The following AMBRA1 variants were observed in gnomAD, a reference collection of about 807,000 sequenced individuals.
AMBRA1 encodes the protein autophagy and beclin 1 regulator 1.
In AMBRA1, 47 loss-of-function variants were observed where a neutral mutation model predicts 125.4. That is an observed-to-expected ratio of 0.37 (90% CI 0.30 to 0.48). The LOEUF (loss-of-function observed/expected upper bound fraction) is 0.48, where lower values mean the gene tolerates loss of function less well. Among genes scored for constraint, AMBRA1 ranks in the 20% least tolerant of loss-of-function variants. The pLI, the probability that AMBRA1 is intolerant of heterozygous loss-of-function variation, is 0.99. For missense variants in AMBRA1, 1,331 were observed against 1,693.4 expected, an observed-to-expected ratio of 0.79 and a Z score of 3.76; for synonymous variants, 626 against 655.5, an observed-to-expected ratio of 0.95 and a Z score of 0.69.
chr11:46,434,905 G>C lies in AMBRA1; in HGVS notation c.2765C>G (p.Ala922Gly), dbSNP rs780077451. ...GTTATGGGGGGCCAGGGAGTACACT[G>C]CCAGGATGCCTTCATCAGGAAAGCC... Reference protein sequence around the residue: ...QRGFPDEGILAVYSLAPHNLG... With the variant: ...QRGFPDEGILGVYSLAPHNLG... Residue 922 changes from alanine to glycine, a missense_variant, in exon 13 of 18, where the codon GCA (alanine) becomes GGA (glycine). Ala to Gly is a moderately conservative substitution (Grantham distance 60). Transcript: ENST00000683756. 2 of 1,614,116 alleles carry C rather than the reference G, an allele frequency of 1.2e-6. No individual in the cohort carries two copies. Among genetic ancestry groups the C allele is most frequent in the East Asian group, 4.5e-5 (2 of 44,886 alleles).
intron 1 of AMBRA1, among the ~76,000 whole-genome samples, chr11:46,561,419 AG>A (rs1332372170): frequency 3.3e-5 from 5 of 152,042 alleles, no homozygotes; most frequent in Admixed American, 2.0e-4. Context: ...AAAAAAAAAA[AG>A]CTTTGAGAAC....
At position 46,434,924 on chromosome 11, in the gene AMBRA1, G is replaced by A. The variant is rs1482583665; in HGVS notation, c.2746C>T (p.Pro916Ser). 1.9e-6 allele frequency: 3 copies of A among 1,614,150 alleles called. No individual in the cohort carries two copies. Among genetic ancestry groups the A allele is most frequent in the East Asian group, 4.5e-5 (2 of 44,886 alleles). ...AFIPSSQRGF[P>S]DEGILAVYSL... ...TACACTGCCAGGATGCCTTCATCAG[G>A]AAAGCCCCTCTGGCTGCTGGGGATG... Residue 916 changes from proline to serine, a missense_variant, in exon 13 of 18, where the codon CCT becomes TCT. Pro to Ser is a moderately conservative substitution (Grantham distance 74, BLOSUM62 -1). Coordinates refer to ENST00000683756, the MANE Select transcript of AMBRA1 (RefSeq NM_001387011.1).
chr11:46,447,672 T>C (rs1948360626), intron 11 of AMBRA1, among the ~76,000 whole-genome samples: 1 of 151,956 alleles, frequency 6.6e-6, no homozygotes, highest in African/African-American at 2.4e-5. Context: ...ACTGCACCAC[T>C]GCACTACAGC....
At chr11:46,399,931 G>C (rs1945651327) in intron 17 of AMBRA1, among the ~76,000 whole-genome samples, 1 of 146,670 alleles carries the variant, frequency 6.8e-6, no homozygotes, top group Admixed American at 6.7e-5. Context: ...AATCTCAGCT[G>C]TCACTTGCTT....
At chr11:46,427,372 G>A (rs1033548133) in intron 14 of AMBRA1, among the ~76,000 whole-genome samples, 3 of 152,104 alleles carry the variant, frequency 2.0e-5, no homozygotes, top group South Asian at 4.1e-4. Flanking sequence ...GATACCCAAC[G>A]GTATAAAAGA....
chr11:46,582,877 T>C (rs573388564), intron 1 of AMBRA1, among the ~76,000 whole-genome samples: 34 of 151,540 alleles, frequency 2.2e-4, no homozygotes, highest in African/African-American at 8.0e-4. Flanking sequence ...CGAATTGAGA[T>C]GCAGAATCAC....
At chr11:46,503,016 G>A (rs1400314032) in intron 9 of AMBRA1, among the ~76,000 whole-genome samples, 1 of 137,830 alleles carries the variant, frequency 7.3e-6, no homozygotes, top group South Asian at 2.3e-4. Context: ...AGCCGAGATT[G>A]TGCCGCTGCA....
intron 7 of AMBRA1, 42 bp downstream of exon 7, chr11:46,541,903 A>G: frequency 1.9e-6 from 3 of 1,591,468 alleles, no homozygotes; most frequent in Non-Finnish European, 2.6e-6. Flanking sequence ...TGATACAAGG[A>G]GAAAAGCAAG....
intron 12 of AMBRA1, among the ~76,000 whole-genome samples, chr11:46,438,375 T>C (rs999831709): frequency 6.6e-6 from 1 of 152,220 alleles, no homozygotes; most frequent in African/African-American, 2.4e-5. Context: ...TTAGAAATAC[T>C]GATGCCTGGA....
intron 9 of AMBRA1, among the ~76,000 whole-genome samples, chr11:46,504,957 T>G (rs1204724756): frequency 6.6e-6 from 1 of 152,150 alleles, no homozygotes; most frequent in East Asian, 1.9e-4. Flanking sequence ...CTGAGAACAC[T>G]ATACAACTGG....
intron 9 of AMBRA1, among the ~76,000 whole-genome samples, chr11:46,498,051 G>A (rs760663984): frequency 1.1e-4 from 17 of 152,120 alleles, no homozygotes; most frequent in Admixed American, 2.6e-4. Context: ...ATACAAGGTC[G>A]ACATCAAGCC....
intron 7 of AMBRA1, among the ~76,000 whole-genome samples, chr11:46,541,128 A>G (rs1231439975): frequency 6.6e-6 from 1 of 152,226 alleles, no homozygotes; most frequent in African/African-American, 2.4e-5. Flanking sequence ...TGACCTTTAC[A>G]AAATTACAGA....
chr11:46,482,374 G>A (rs558770650), intron 11 of AMBRA1, among the ~76,000 whole-genome samples: 1 of 152,184 alleles, frequency 6.6e-6, no homozygotes, highest in African/African-American at 2.4e-5. Flanking sequence ...ATTCCTTTAT[G>A]TTACCAGTCC....
chr11:46,586,789 A>G (rs1565329057), intron 1 of AMBRA1, among the ~76,000 whole-genome samples: 1 of 152,182 alleles, frequency 6.6e-6, no homozygotes. Flanking sequence ...TTGTATAGCT[A>G]GTAAGCAGGG....
intron 2 of AMBRA1, 22 bp downstream of exon 2, chr11:46,548,224 G>GA: frequency 6.2e-7 from 1 of 1,613,902 alleles, no homozygotes. Flanking sequence ...AATCCTATGT[G>GA]AAATATAGCC....
chr11:46,565,035 TC>T (rs1191872922), intron 1 of AMBRA1, among the ~76,000 whole-genome samples: 5 of 152,114 alleles, frequency 3.3e-5, no homozygotes, highest in African/African-American at 1.2e-4. Context: ...GGCTTGAAGA[TC>T]ACTTGAGTCC....
chr11:46,588,733 C>T (rs61882756), intron 1 of AMBRA1, among the ~76,000 whole-genome samples: 21,183 of 150,632 alleles, frequency 0.14, 1,561 homozygotes, highest in Non-Finnish European at 0.17. Context: ...CGAGATCGCG[C>T]CATTGCACAC....
chr11:46,559,053 A>G (rs2043246211), intron 1 of AMBRA1, among the ~76,000 whole-genome samples: 1 of 152,202 alleles, frequency 6.6e-6, no homozygotes, highest in Admixed American at 6.5e-5. Context: ...GTAATCCAGC[A>G]CTTTGGGAGG....
intron 14 of AMBRA1, among the ~76,000 whole-genome samples, chr11:46,432,591 CT>C (rs1367385597): frequency 6.6e-6 from 1 of 152,148 alleles, no homozygotes; most frequent in Non-Finnish European, 1.5e-5. Flanking sequence ...ATGCACAGCA[CT>C]AAATGAGGGA....
Sources: allele counts gnomAD v4.1 joint callset (sites outside exome capture counted in the v4.1 genomes callset), GRCh38; gene constraint gnomAD v4.1.1; transcripts MANE v1.5; gene names NCBI Gene and HGNC (gene_info 2026-07-23, HGNC 2026-07-21).